The following FSHR variants were observed in gnomAD, a reference collection of about 807,000 sequenced individuals.
FSHR encodes follicle stimulating hormone receptor, also known as follicle-stimulating hormone receptor.
In FSHR, 46 loss-of-function variants were observed where a neutral mutation model predicts 52.1. The ratio of observed to expected loss-of-function variants is 0.88; its 90% CI spans 0.70 to 1.13. The LOEUF (loss-of-function observed/expected upper bound fraction) is 1.13. Among genes scored for constraint, FSHR ranks in the 50% most tolerant of loss-of-function variants. The pLI is 0.00. For synonymous variants in FSHR, 399 were observed against 309.6 expected (o/e 1.29, Z -3.03); for missense variants, 964 against 834.6 (o/e 1.16, Z -1.91).
chr2:49,111,685 C>T (rs1019505579), intron 1 of FSHR, among the ~76,000 whole-genome samples: 4 of 152,134 alleles, frequency 2.6e-5, no homozygotes, highest in African/African-American at 7.2e-5. Flanking sequence ...CATAGCTCTG[C>T]AGCTGGTGCT....
intron 1 of FSHR, among the ~76,000 whole-genome samples, chr2:49,079,266 G>T (rs951493282): frequency 6.6e-6 from 1 of 152,102 alleles, no homozygotes; most frequent in Non-Finnish European, 1.5e-5. Flanking sequence ...ACATTTATAA[G>T]TGGTAAGTTT....
intron 6 of FSHR, among the ~76,000 whole-genome samples, chr2:48,988,727 T>C (rs1675628691): frequency 6.6e-6 from 1 of 152,194 alleles, no homozygotes; most frequent in Admixed American, 6.5e-5. Flanking sequence ...AGATGTTGTA[T>C]CACAGGAGAT....
intron 2 of FSHR, among the ~76,000 whole-genome samples, chr2:49,021,829 G>GTTTTTT (rs1306009434): frequency 1.1e-5 from 1 of 89,502 alleles, no homozygotes; most frequent in African/African-American, 4.7e-5. Context: ...TGGGGTATGT[G>GTTTTTT]TTTCTCTCTC....
At chr2:48,997,550 G>C (rs1676076288) in intron 4 of FSHR, among the ~76,000 whole-genome samples, 1 of 151,830 alleles carries the variant, frequency 6.6e-6, no homozygotes, top group East Asian at 1.9e-4. Context: ...AGTCCTCCTG[G>C]CCTTATCATT....
At chr2:49,087,220 AG>A (rs1168730041) in intron 1 of FSHR, among the ~76,000 whole-genome samples, 2 of 151,802 alleles carry the variant, frequency 1.3e-5, no homozygotes, top group African/African-American at 4.8e-5. Flanking sequence ...TGTTCAATGG[AG>A]GTTAGGCTTT....
chr2:49,008,121 C>T (rs1260376927), intron 4 of FSHR, among the ~76,000 whole-genome samples: 4 of 148,058 alleles, frequency 2.7e-5, no homozygotes, highest in Non-Finnish European at 6.0e-5. Context: ...TGGTGCACTG[C>T]ACCCACTAAC....
In FSHR at chr2:48,963,391, A is replaced by C. The variant is rs750925845; in HGVS notation, c.1430T>G (p.Leu477Arg). Reference protein sequence around the residue: ...RWHTITHAMQLDCKVQLRHAA... With the variant: ...RWHTITHAMQRDCKVQLRHAA... The stretch of plus-strand genomic sequence containing the variant: ...ATGGCGGAGCTGCACCTTGCAGTCC[A>C]GCTGCATGGCATGCGTGATGGTATG... The change falls in exon 10 of 10, where the codon CTG (leucine) becomes CGG (arginine). Residue 477 changes from leucine to arginine, a missense_variant. Physicochemically the swap from Leu to Arg is moderately radical, Grantham distance 102. Transcript: ENST00000406846. 1 of 1,614,086 alleles carries C rather than the reference A, an allele frequency of 6.2e-7. No homozygotes were observed. Among genetic ancestry groups the C allele is most frequent in the Admixed American group, 1.7e-5 (1 of 60,010 alleles).
intron 9 of FSHR, among the ~76,000 whole-genome samples, chr2:48,965,565 C>T (rs8179692): frequency 0.57 from 86,050 of 151,906 alleles, 24,576 homozygotes; most frequent in East Asian, 0.66. Flanking sequence ...AACCCTGTTA[C>T]TGAATTAGTT....
At position 49,011,410 on chromosome 2, in the gene FSHR, C is replaced by G. The variant is rs185159349; in HGVS notation, c.374+6079G>C. ...TCTGAGAGATAGTTTGTTATAATTTCTGTTCTTTTACATTTGTTGAGGAGA... is the reference window on the plus strand; with the variant it reads ...TCTGAGAGATAGTTTGTTATAATTTGTGTTCTTTTACATTTGTTGAGGAGA... On this transcript the variant is annotated intron_variant, in intron 4 of 9. Transcript: ENST00000406846. 3.2e-3 allele frequency among the ~76,000 whole-genome samples: 491 copies of G among 152,114 alleles called. 6 individuals carry two copies. Among genetic ancestry groups the G allele is most frequent in the African/African-American group, 0.012 (479 of 41,474 alleles).
At chr2:49,020,061 C>A (rs769155566) in intron 3 of FSHR, 25 bp downstream of exon 3, 1 of 1,604,562 alleles carries the variant, frequency 6.2e-7, no homozygotes, top group South Asian at 1.1e-5. Flanking sequence ...TGGCCATGAG[C>A]AAATCCCCCA....
intron 1 of FSHR, among the ~76,000 whole-genome samples, chr2:49,101,921 C>G (rs1671041038): frequency 6.6e-6 from 1 of 152,102 alleles, no homozygotes; most frequent in Non-Finnish European, 1.5e-5. Flanking sequence ...GCTCAGGTGT[C>G]TCTTCCTCTT....
intron 2 of FSHR, among the ~76,000 whole-genome samples, chr2:49,041,275 G>C (rs1232349373): frequency 6.6e-6 from 1 of 152,132 alleles, no homozygotes; most frequent in African/African-American, 2.4e-5. Context: ...TTTGTGATGA[G>C]TATGGATAGA....
intron 1 of FSHR, among the ~76,000 whole-genome samples, chr2:49,146,042 G>A (rs554478328): frequency 6.6e-6 from 1 of 152,076 alleles, no homozygotes; most frequent in Admixed American, 6.6e-5. Context: ...AAAATACAGA[G>A]GATCTTAATG....
intron 1 of FSHR, among the ~76,000 whole-genome samples, chr2:49,109,432 T>C (rs1209131168): frequency 1.3e-5 from 2 of 152,194 alleles, no homozygotes; most frequent in Non-Finnish European, 2.9e-5. Flanking sequence ...ATTTATGCTC[T>C]TTCATACAGA....
At chr2:48,991,359 C>T (rs1573058476) in intron 4 of FSHR, among the ~76,000 whole-genome samples, 2 of 152,228 alleles carry the variant, frequency 1.3e-5, no homozygotes, top group African/African-American at 2.4e-5. Flanking sequence ...AGCAATACTA[C>T]CACTACTGGT....
Position 49,137,882 on chromosome 2 carries a change from C to T in FSHR, c.152+16384G>A, listed in dbSNP as rs566668879. Among the ~76,000 whole-genome samples, 3 of 152,150 alleles carry T rather than the reference C, an allele frequency of 2.0e-5. No homozygotes were observed. The South Asian group carries it at 6.2e-4, about 32-fold the overall frequency. On this transcript the variant is annotated intron_variant, in intron 1 of 9. Coordinates refer to ENST00000406846, the MANE Select transcript of FSHR (RefSeq NM_000145.4). ...GCATAAAGATATAAATCTTCTTAATCTTGGATTTGGCAAAGGATTATTGGA... is the reference window on the plus strand; with the variant it reads ...GCATAAAGATATAAATCTTCTTAATTTTGGATTTGGCAAAGGATTATTGGA...
At chr2:49,076,265 G>T (rs532221623) in intron 1 of FSHR, among the ~76,000 whole-genome samples, 24 of 152,322 alleles carry the variant, frequency 1.6e-4, no homozygotes, top group African/African-American at 5.5e-4. Context: ...TGGACTTACA[G>T]TTCCACGTGG....
chr2:48,965,644 T>C (rs1285082285), intron 9 of FSHR, among the ~76,000 whole-genome samples: 1 of 152,234 alleles, frequency 6.6e-6, no homozygotes, highest in Non-Finnish European at 1.5e-5. Context: ...TTCATTGGAC[T>C]GAGCTCTGAC....
chr2:49,053,513 G>C (rs181259208), intron 2 of FSHR, among the ~76,000 whole-genome samples: 1 of 152,156 alleles, frequency 6.6e-6, no homozygotes, highest in East Asian at 1.9e-4. Flanking sequence ...ACAGTTTACA[G>C]TGCACTTTGC....
Sources: gnomAD v4.1 joint callset for allele counts (sites outside exome capture counted in the v4.1 genomes callset) on GRCh38, gnomAD v4.1.1 for gene constraint, MANE v1.5 for transcripts, NCBI Gene and HGNC (gene_info 2026-07-23, HGNC 2026-07-21) for gene names.